USP28: variants seen among roughly 807,000 people sequenced by gnomAD.
USP28 encodes ubiquitin carboxyl-terminal hydrolase 28.
A neutral mutation model predicts 145.0 loss-of-function variants in USP28; 113 were observed. The observed-to-expected ratio is 0.78, with a 90% CI of 0.67 to 0.91. USP28 has a LOEUF of 0.91. Among genes scored for constraint, USP28 ranks in the 40% least tolerant of loss-of-function variants. The pLI, the probability that USP28 is intolerant of heterozygous loss-of-function variation, is 0.00. For missense variants in USP28, 1,201 were observed against 1,289.6 expected, an observed-to-expected ratio of 0.93 and a Z score of 1.05; for synonymous variants, 447 against 450.9, an observed-to-expected ratio of 0.99 and a Z score of 0.11.
intron 15 of USP28, among the ~76,000 whole-genome samples, chr11:113,812,903 CTATTT>C (rs2135431316): frequency 6.6e-6 from 1 of 152,282 alleles, no homozygotes; most frequent in African/African-American, 2.4e-5. Flanking sequence ...TGTTCCATGC[CTATTT>C]TATTTGGCAA....
intron 23 of USP28, 30 bp from the exon 25 acceptor site, chr11:113,801,708 A>G (rs775660560): frequency 1.3e-6 from 2 of 1,527,222 alleles, no homozygotes; most frequent in Non-Finnish European, 1.8e-6. Flanking sequence ...TTAGGTGGGG[A>G]AGAGTCTGAA....
At chr11:113,832,661 A>C (rs1944135171) in intron 7 of USP28, among the ~76,000 whole-genome samples, 1 of 152,244 alleles carries the variant, frequency 6.6e-6, no homozygotes, top group Admixed American at 6.5e-5. Context: ...TAAAGAAAGA[A>C]AACTTCAATG....
At chr11:113,808,008 C>G (rs1274147494) in intron 18 of USP28, 1 of 1,217,960 alleles carries the variant, frequency 8.2e-7, no homozygotes, top group Non-Finnish European at 1.0e-6. Flanking sequence ...CACTGGGAAT[C>G]TCGACTTCAG....
chr11:113,829,824 CA>C (rs5794883), intron 9 of USP28, among the ~76,000 whole-genome samples: 52,566 of 104,410 alleles, frequency 0.5, 11,351 homozygotes, highest in East Asian at 0.65. Context: ...GGACTTGTCT[CA>C]AAAAAAAAAA....
At chr11:113,861,958 T>C (rs1947741673) in intron 1 of USP28, among the ~76,000 whole-genome samples, 1 of 152,222 alleles carries the variant, frequency 6.6e-6, no homozygotes. Flanking sequence ...ATATGAGAAA[T>C]CAAATTTACA....
At chr11:113,832,664 C>G (rs1239715115) in intron 7 of USP28, among the ~76,000 whole-genome samples, 5 of 152,116 alleles carry the variant, frequency 3.3e-5, no homozygotes, top group Admixed American at 3.3e-4. Flanking sequence ...AGAAAGAAAA[C>G]TTCAATGTTT....
At chr11:113,864,413 C>T (rs1035289712) in intron 1 of USP28, among the ~76,000 whole-genome samples, 11 of 152,072 alleles carry the variant, frequency 7.2e-5, no homozygotes, top group African/African-American at 1.9e-4. Flanking sequence ...CACATGACTG[C>T]GGAGACTGAG....
chr11:113,826,968 C>A (rs887868831), intron 11 of USP28, among the ~76,000 whole-genome samples: 1 of 151,188 alleles, frequency 6.6e-6, no homozygotes, highest in African/African-American at 2.4e-5. Context: ...GCTAGGAGCA[C>A]CCCCACCCCC....
intron 19 of USP28, 119 bp downstream of exon 20, chr11:113,806,370 A>C: frequency 1.3e-6 from 1 of 757,806 alleles, no homozygotes; most frequent in Non-Finnish European, 2.1e-6. Flanking sequence ...AGTAGCTGGG[A>C]CTACATGCAC....
intron 17 of USP28, 27 bp from the exon 18 acceptor site, chr11:113,808,464 A>G (rs1324000451): frequency 1.2e-6 from 2 of 1,610,564 alleles, no homozygotes; most frequent in Non-Finnish European, 1.7e-6. Flanking sequence ...CAAAGGTCTT[A>G]GCATCTAATG....
chr11:113,825,847 G>C (rs930859283), intron 11 of USP28, among the ~76,000 whole-genome samples: 6 of 152,128 alleles, frequency 3.9e-5, no homozygotes, highest in Non-Finnish European at 8.8e-5. Flanking sequence ...GAGAGAAAGG[G>C]AATGATCACA....
At chr11:113,817,895 C>T (rs1002402037) in intron 12 of USP28, 58 bp from the exon 13 acceptor site, 283 of 1,569,434 alleles carry the variant, frequency 1.8e-4, no homozygotes, top group Admixed American at 2.8e-4. Flanking sequence ...TTTTAAGAGT[C>T]GCTGACAAAA....
rs779622531 is a variant in USP28 at position 113,843,201 on chromosome 11, C to G, written c.269-1433G>C. On this transcript the variant is annotated intron_variant, in intron 3 of 24. Coordinates refer to ENST00000003302, the Ensembl canonical transcript of USP28. ...GAGCTGAGATTGTGTCACTATACTA[C>G]AGCCTGGGCGACAGAGTGAGACTCC... 5.9e-5 allele frequency among the ~76,000 whole-genome samples: 9 copies of G among 152,012 alleles called. No individual in the cohort carries two copies. In the South Asian group the frequency reaches 6.2e-4, roughly 11 times the overall value.
At chr11:113,805,000 G>C (rs750889194) in exon 20 of USP28, 1 of 1,614,122 alleles carries the variant, frequency 6.2e-7, no homozygotes, top group South Asian at 1.1e-5. Flanking sequence ...AGAGGTGGGG[G>C]TCTCTTTGGC....
intron 3 of USP28, among the ~76,000 whole-genome samples, chr11:113,846,753 G>A (rs1945893911): frequency 6.6e-6 from 1 of 152,212 alleles, no homozygotes; most frequent in African/African-American, 2.4e-5. Flanking sequence ...CACTTTGGGA[G>A]ACTGAGGCAG....
At chr11:113,813,998 C>A in intron 14 of USP28, 43 bp from the exon 15 acceptor site, 1 of 1,441,006 alleles carries the variant, frequency 6.9e-7, no homozygotes, top group South Asian at 1.2e-5. Flanking sequence ...AAAATGATCT[C>A]ATTCTATGTC....
chr11:113,829,192 C>A lies in USP28; in HGVS notation c.1059+5G>T, dbSNP rs370126389. 1.2e-6 allele frequency: 2 copies of A among 1,612,770 alleles called. No individual in the cohort carries two copies. The highest frequency in any genetic ancestry group is 4.5e-5 in the East Asian group (2 of 44,884). ...TGGCACAGCAAATAAAGATCTCCAA[C>A]GTACCTCTTGTCCATACTTCACCGA... is the stretch of plus-strand genomic sequence containing the variant. On this transcript the variant is annotated splice_donor_5th_base_variant and intron_variant, in intron 10 of 24. Transcript: ENST00000003302.
intron 18 of USP28, 70 bp from the exon 19 acceptor site, chr11:113,808,206 G>A (rs1448687981): frequency 9.6e-6 from 15 of 1,555,138 alleles, no homozygotes; most frequent in African/African-American, 1.4e-5. Context: ...GTTAAAGGCA[G>A]CAGAGACACA....
chr11:113,806,458 G>A, intron 19 of USP28, 31 bp downstream of exon 20: 1 of 1,561,766 alleles, frequency 6.4e-7, no homozygotes, highest in African/African-American at 1.4e-5. Flanking sequence ...TGCCTATATT[G>A]TAAGAATTAG....
Sources: gnomAD v4.1 joint callset for allele counts (sites outside exome capture counted in the v4.1 genomes callset) on GRCh38, gnomAD v4.1.1 for gene constraint, MANE v1.5 for transcripts, NCBI Gene and HGNC (gene_info 2026-07-23, HGNC 2026-07-21) for gene names.